Variants in RALB observed in about 807,000 individuals in gnomAD.
The protein encoded by RALB is RAS like proto-oncogene B.
RALB carries 16 observed loss-of-function variants against 21.3 expected under a neutral mutation model. The ratio of observed to expected loss-of-function variants is 0.75; its 90% confidence interval spans 0.51 to 1.14. The LOEUF is 1.14. Ranked by LOEUF, RALB falls within the 50% of genes most tolerant of loss-of-function variation. The probability of loss-of-function intolerance (pLI) is 0.00; values close to 1 mark genes in which losing one functional copy is unlikely to be tolerated. For synonymous variants in RALB, 93 were observed against 96.1 expected (o/e 0.97, Z 0.19); for missense variants, 161 against 256.2 (o/e 0.63, Z 2.54).
chr2:120,287,067 T>G (rs1690183144), intron 3 of RALB, among the ~76,000 whole-genome samples: 1 of 152,084 alleles, frequency 6.6e-6, no homozygotes, highest in Admixed American at 6.5e-5. Flanking sequence ...AGATCTAGAG[T>G]TTAGTAGGGA....
chr2:120,273,172 C>T (rs79177602), intron 1 of RALB, among the ~76,000 whole-genome samples: 8,529 of 87,610 alleles, frequency 0.097, 824 homozygotes, highest in African/African-American at 0.3. Flanking sequence ...ATCAGTCTCC[C>T]TAAAGGCTCA....
At chr2:120,273,786 G>A (rs956291476) in intron 1 of RALB, among the ~76,000 whole-genome samples, 3 of 152,168 alleles carry the variant, frequency 2.0e-5, no homozygotes, top group African/African-American at 4.8e-5. Flanking sequence ...GGAGGTTGCT[G>A]TTTCTAGGAT....
At chr2:120,266,986 C>A (rs555477559) in intron 1 of RALB, among the ~76,000 whole-genome samples, 2 of 151,962 alleles carry the variant, frequency 1.3e-5, no homozygotes, top group East Asian at 3.9e-4. Context: ...GATGGGCTGG[C>A]CGGGGGATAT....
intron 1 of RALB, among the ~76,000 whole-genome samples, chr2:120,244,774 G>A (rs942943546): frequency 6.6e-6 from 1 of 152,202 alleles, no homozygotes; most frequent in Non-Finnish European, 1.5e-5. Flanking sequence ...TATGACCTCT[G>A]GTTAGCCAGA....
At chr2:120,277,242 TGAGA>T (rs896346683) in intron 1 of RALB, among the ~76,000 whole-genome samples, 2 of 152,026 alleles carry the variant, frequency 1.3e-5, no homozygotes, top group Non-Finnish European at 2.9e-5. Context: ...TATGTGTGTG[TGAGA>T]AAGTGTATGA....
intron 2 of RALB, among the ~76,000 whole-genome samples, chr2:120,284,146 A>G (rs1167145622): frequency 6.6e-6 from 1 of 152,172 alleles, no homozygotes; most frequent in Non-Finnish European, 1.5e-5. Flanking sequence ...TTGAAAGCAC[A>G]GGCAAGTTTT....
intron 1 of RALB, among the ~76,000 whole-genome samples, chr2:120,277,843 ATG>A (rs1689867414): frequency 6.8e-6 from 1 of 146,420 alleles, no homozygotes; most frequent in Non-Finnish European, 1.5e-5. Flanking sequence ...GTGTGTTTGA[ATG>A]TGAGAACATG....
chr2:120,283,752 T>G (rs1451951804), intron 2 of RALB, among the ~76,000 whole-genome samples: 1 of 152,228 alleles, frequency 6.6e-6, no homozygotes, highest in Non-Finnish European at 1.5e-5. Flanking sequence ...GAAGTTTGTC[T>G]TAGACTCTTG....
In RALB at chr2:120,258,174, TTCAG is replaced by T. The variant is rs142424552; in HGVS notation, c.-48+5198_-48+5201del. ...AACACTTCAGTGGCTTTCCAGTGCT[TTCAG>T]TCAAAGGTCCCAAATCCCTCAACTT... is the stretch of plus-strand genomic sequence containing the variant. On this transcript the variant is annotated intron_variant, in intron 1 of 4. Transcript: ENST00000272519. 4.9e-3 allele frequency among the ~76,000 whole-genome samples: 750 copies of T among 152,324 alleles called. 14 individuals are homozygous for T. Among genetic ancestry groups the T allele is most frequent in the African/African-American group, 0.017 (711 of 41,576 alleles).
At position 120,252,858 on chromosome 2, in the gene RALB, G is replaced by C; in HGVS notation, c.-170G>C. On this transcript the variant is annotated 5_prime_UTR_variant, in exon 1 of 5. Transcript: ENST00000272519. ...AGGCGCGCTCGGGGGGTGGGAAAGC[G>C]AGCCCGGCAGCTCAATGACAAATCG... 1 of 985,660 alleles carries C rather than the reference G, an allele frequency of 1.0e-6. No individual in the cohort carries two copies. Among genetic ancestry groups the C allele is most frequent in the Non-Finnish European group, 1.2e-6 (1 of 830,114 alleles). The allele number at this position is 985,660 out of a possible 1,614,324, so 61.1% of individuals were successfully genotyped here.
chr2:120,279,250 A>C (rs1689923946), intron 2 of RALB, among the ~76,000 whole-genome samples: 2 of 152,168 alleles, frequency 1.3e-5, no homozygotes, highest in South Asian at 4.1e-4. Flanking sequence ...ATCCTTGCCC[A>C]AAATTTACGT....
chr2:120,250,950 C>A (rs1295978056), upstream of RALB, among the ~76,000 whole-genome samples: 2 of 152,194 alleles, frequency 1.3e-5, no homozygotes. Context: ...CCCAGTAGGA[C>A]CCCTCCGAGT....
At chr2:120,260,964 G>A (rs1689351855) in intron 1 of RALB, among the ~76,000 whole-genome samples, 1 of 152,234 alleles carries the variant, frequency 6.6e-6, no homozygotes, top group Non-Finnish European at 1.5e-5. Flanking sequence ...TTGCTACACA[G>A]TGTGGGGTCT....
chr2:120,241,304 G>A (rs779471860), intron 1 of RALB, among the ~76,000 whole-genome samples: 5 of 152,264 alleles, frequency 3.3e-5, no homozygotes, highest in Non-Finnish European at 7.3e-5. Flanking sequence ...GAGCCAGAAA[G>A]CTCAGGAGAG....
chr2:120,258,663 C>G (rs1049180957), intron 1 of RALB, among the ~76,000 whole-genome samples: 1 of 152,020 alleles, frequency 6.6e-6, no homozygotes, highest in African/African-American at 2.4e-5. Context: ...TGAATGGTGG[C>G]AGAGAAGATG....
rs113361333 is a variant in RALB at position 120,279,383 on chromosome 2, T to C, written c.114+605T>C. Among the ~76,000 whole-genome samples the C allele has an allele frequency of 1.1e-4, 16 of 152,188 alleles. 1 individual carries two copies. The highest frequency in any genetic ancestry group is 3.6e-4 in the African/African-American group (15 of 41,508). Reference sequence around the variant, plus strand: ...CTAGGATACTTAGCCTACTGTGGGCTCTACATCTGCAGATTCAAGCAATGT... The same window carrying C: ...CTAGGATACTTAGCCTACTGTGGGCCCTACATCTGCAGATTCAAGCAATGT... On this transcript the variant is annotated intron_variant, in intron 2 of 4. Coordinates refer to ENST00000272519, the MANE Select transcript of RALB (RefSeq NM_002881.3).
intron 1 of RALB, among the ~76,000 whole-genome samples, chr2:120,272,673 GCTTCCTAAACTTAACTGATTTTTTTTTC>G (rs1415834045): frequency 1.3e-5 from 2 of 152,224 alleles, no homozygotes; most frequent in East Asian, 3.9e-4. Flanking sequence ...ATTAACGTGA[GCTTCCTAAACTTAACTGATTTTTTTTTC>G]CTTCCTGCTC....
chr2:120,241,630 GCAGGAGAAT>G (rs539163794), intron 1 of RALB, among the ~76,000 whole-genome samples: 8 of 152,176 alleles, frequency 5.3e-5, no homozygotes, highest in Non-Finnish European at 1.2e-4. Flanking sequence ...GCAGGCTGAG[GCAGGAGAAT>G]CACTTGAACC....
intron 1 of RALB, among the ~76,000 whole-genome samples, chr2:120,257,286 T>G (rs1304017380): frequency 6.6e-6 from 1 of 152,232 alleles, no homozygotes; most frequent in Non-Finnish European, 1.5e-5. Flanking sequence ...CCCCATTATT[T>G]TAAAACTTTG....
Sources: gnomAD v4.1 joint callset for allele counts (sites outside exome capture counted in the v4.1 genomes callset) on GRCh38, gnomAD v4.1.1 for gene constraint, MANE v1.5 for transcripts, NCBI Gene and HGNC (gene_info 2026-07-23, HGNC 2026-07-21) for gene names.